Variants in GPHN observed in about 807,000 individuals in gnomAD.
The protein encoded by GPHN is gephyrin.
Under a neutral mutation model 95.5 loss-of-function variants are expected in GPHN, and 17 were observed. The ratio of observed to expected loss-of-function variants is 0.18; its 90% CI spans 0.12 to 0.27. The LOEUF is 0.27. Ranked by LOEUF, GPHN falls within the 10% of genes least tolerant of loss-of-function variation. GPHN has a pLI of 1.00. For missense variants in GPHN, 660 were observed against 978.1 expected (o/e 0.67, Z 4.34); for synonymous variants, 320 against 322.5 (o/e 0.99, Z 0.08).
intron 2 of GPHN, among the ~76,000 whole-genome samples, chr14:66,769,568 C>G (rs1336495646): frequency 2.0e-5 from 3 of 152,098 alleles, no homozygotes; most frequent in Non-Finnish European, 2.9e-5. Flanking sequence ...TAAATTAGAA[C>G]ATGTGGTATT....
intron 9 of GPHN, among the ~76,000 whole-genome samples, chr14:66,974,440 A>G (rs184160554): frequency 1.0e-3 from 155 of 152,132 alleles, no homozygotes; most frequent in Admixed American, 2.4e-3. Context: ...TAATTATTTA[A>G]TGGTCACAGA....
At position 67,100,885 on chromosome 14, in the gene GPHN, A is replaced by G. The variant is rs79044412; in HGVS notation, c.1267A>G (p.Ile423Val). Residue 423 changes from isoleucine (I) to valine (V), a missense_variant, in exon 13 of 23, where the codon ATT becomes GTT. By Grantham distance (29) the Ile-to-Val change is conservative (BLOSUM62 3). Transcript: ENST00000478722. ...TGATGGCCCAGGAGATCGTTTCATC[A>G]TTGGGGAATCCCAAGCTGGTGAACA... The part of the protein sequence containing the change: ...AADGPGDRFI[I>V]GESQAGEQPT... 6.2e-7 allele frequency: 1 copy of G among 1,607,682 alleles called. No homozygotes were observed. Among genetic ancestry groups the G allele is most frequent in the Admixed American group, 1.7e-5 (1 of 60,016 alleles).
intron 4 of GPHN, among the ~76,000 whole-genome samples, chr14:66,825,535 G>C (rs1390409246): frequency 1.3e-5 from 2 of 152,030 alleles, no homozygotes; most frequent in Non-Finnish European, 2.9e-5. Flanking sequence ...TAGAGTTTCT[G>C]ATTTAGTAAA....
the GPHN span, chr14:67,691,536 A>G: frequency 3.7e-6 from 1 of 270,958 alleles, no homozygotes; most frequent in Non-Finnish European, 7.0e-6. Context: ...ACCTCTCTCA[A>G]TAAAAAGACT....
At chr14:66,853,560 G>T (rs1466509953) in intron 4 of GPHN, among the ~76,000 whole-genome samples, 1 of 152,166 alleles carries the variant, frequency 6.6e-6, no homozygotes, top group Non-Finnish European at 1.5e-5. Context: ...GAGAGCTTGT[G>T]CAGGGGAACT....
chr14:67,343,209 CTTT>C, the GPHN span, among the ~76,000 whole-genome samples: 6 of 148,128 alleles, frequency 4.1e-5, no homozygotes, highest in Non-Finnish European at 7.5e-5. Flanking sequence ...CTTCATAACA[CTTT>C]TTTTTTTTAC....
At chr14:67,398,081 T>C in the GPHN span, 1 of 342,990 alleles carries the variant, frequency 2.9e-6, no homozygotes, top group Admixed American at 4.7e-5. Context: ...AAGAGAAAAA[T>C]CACTTCCTGT....
chr14:67,110,029 A>T (rs2078276702), intron 13 of GPHN, 111 bp from the exon 14 acceptor site: 1 of 949,500 alleles, frequency 1.1e-6, no homozygotes, highest in Admixed American at 2.0e-5. Flanking sequence ...TAAGACTGTA[A>T]GACTTTCTTT....
chr14:67,680,912 A>G, the GPHN span, among the ~76,000 whole-genome samples: 46 of 152,370 alleles, frequency 3.0e-4, 1 homozygote, highest in African/African-American at 1.1e-3. Context: ...TGATACTGGC[A>G]TAAGGACAGA....
At chr14:66,861,361 A>G (rs2063017472) in intron 4 of GPHN, among the ~76,000 whole-genome samples, 1 of 152,090 alleles carries the variant, frequency 6.6e-6, no homozygotes, top group African/African-American at 2.4e-5. Context: ...ATATTATTAG[A>G]GCTAAAGAGA....
chr14:66,836,506 G>A (rs1386117498), intron 4 of GPHN, among the ~76,000 whole-genome samples: 1 of 140,812 alleles, frequency 7.1e-6, no homozygotes, highest in Non-Finnish European at 1.5e-5. Context: ...GAAAACCTAG[G>A]CATTACCATT....
At chr14:66,639,148 C>G (rs1300742952) in intron 1 of GPHN, among the ~76,000 whole-genome samples, 1 of 120,382 alleles carries the variant, frequency 8.3e-6, no homozygotes, top group Non-Finnish European at 1.6e-5. Context: ...GCATAGGTGA[C>G]TAGAAGGAAA....
chr14:67,005,167 A>G (rs916478248), intron 9 of GPHN, among the ~76,000 whole-genome samples: 2 of 151,556 alleles, frequency 1.3e-5, no homozygotes, highest in African/African-American at 4.8e-5. Flanking sequence ...ACATAGTGAT[A>G]GCATTTCCTG....
chr14:66,895,436 A>G (rs565193621), intron 5 of GPHN, among the ~76,000 whole-genome samples: 1 of 152,158 alleles, frequency 6.6e-6, no homozygotes, highest in African/African-American at 2.4e-5. Flanking sequence ...GCAGCAAACC[A>G]ACATGGCACA....
chr14:67,471,977 T>C, the GPHN span: 8 of 152,416 alleles, frequency 5.2e-5, no homozygotes, highest in Admixed American at 4.6e-4. Flanking sequence ...GAGCCGGAAG[T>C]AGGCTGGAGT....
At chr14:67,225,003 CTCTT>C in the GPHN span, 13 of 810,398 alleles carry the variant, frequency 1.6e-5, no homozygotes, top group Non-Finnish European at 2.3e-5. Context: ...TCAAAATAAG[CTCTT>C]TCTCCTTCTG....
the GPHN span, among the ~76,000 whole-genome samples, chr14:67,491,597 T>A: frequency 6.6e-6 from 1 of 152,190 alleles, no homozygotes; most frequent in African/African-American, 2.4e-5. Flanking sequence ...AAAGACCGAA[T>A]ACATTTCTTA....
intron 18 of GPHN, among the ~76,000 whole-genome samples, chr14:67,150,266 C>G (rs983284588): frequency 6.6e-6 from 1 of 150,994 alleles, no homozygotes; most frequent in African/African-American, 2.4e-5. Flanking sequence ...AACGGTGAAA[C>G]CCCGTCTCTA....
chr14:67,632,769 CTCTT>C, the GPHN span, among the ~76,000 whole-genome samples: 13 of 129,806 alleles, frequency 1.0e-4, no homozygotes, highest in African/African-American at 2.6e-4. Flanking sequence ...GAAGGGAGGT[CTCTT>C]TCTTTATTTT....
Sources: gnomAD v4.1 joint callset for allele counts (sites outside exome capture counted in the v4.1 genomes callset) on GRCh38, gnomAD v4.1.1 for gene constraint, MANE v1.5 for transcripts, NCBI Gene and HGNC (gene_info 2026-07-23, HGNC 2026-07-21) for gene names.